CREB1: variants seen among roughly 807,000 people sequenced by gnomAD.
CREB1 encodes the protein cAMP responsive element binding protein 1, also known as cyclic AMP-responsive element-binding protein 1.
CREB1 carries 2 observed loss-of-function variants against 42.0 expected under a neutral mutation model. That is an observed-to-expected ratio of 0.05 (90% CI 0.02 to 0.15). The LOEUF (loss-of-function observed/expected upper bound fraction) is 0.15, where lower values mean the gene tolerates loss of function less well. CREB1 is among the 10% of genes least tolerant of loss of function. The probability of loss-of-function intolerance (pLI) is 1.00; values close to 1 mark genes in which losing one functional copy is unlikely to be tolerated. For missense variants in CREB1, 199 were observed against 388.9 expected, an observed-to-expected ratio of 0.51 and a Z score of 4.11; for synonymous variants, 123 against 139.9, an observed-to-expected ratio of 0.88 and a Z score of 0.85.
chr2:207,567,120 A>G (rs2082168571), intron 3 of CREB1, among the ~76,000 whole-genome samples: 1 of 152,130 alleles, frequency 6.6e-6, no homozygotes, highest in Admixed American at 6.5e-5. Context: ...ATATTTAGCC[A>G]TCCATTTTAT....
intron 7 of CREB1, 101 bp downstream of exon 7, chr2:207,577,756 T>A: frequency 1.4e-6 from 2 of 1,456,420 alleles, no homozygotes; most frequent in Non-Finnish European, 1.9e-6. Flanking sequence ...ATCTTTGCAT[T>A]GAATTTTTTT....
intron 6 of CREB1, among the ~76,000 whole-genome samples, chr2:207,576,000 A>T (rs2551644): frequency 0.21 from 24,616 of 114,998 alleles, 2,355 homozygotes; most frequent in Middle Eastern, 0.34. Context: ...TATTATTATT[A>T]TTTTTTTCTA....
At chr2:207,576,645 T>G in intron 6 of CREB1, 1 of 1,292,966 alleles carries the variant, frequency 7.7e-7, no homozygotes, top group Non-Finnish European at 1.0e-6. Flanking sequence ...TCAAAAATTG[T>G]AAAGCAGGAT....
intron 1 of CREB1, among the ~76,000 whole-genome samples, chr2:207,536,942 A>G (rs2106347265): frequency 6.6e-6 from 1 of 152,186 alleles, no homozygotes; most frequent in South Asian, 2.1e-4. Context: ...GTGAGCCAGT[A>G]TCACCCCACT....
intron 7 of CREB1, chr2:207,581,835 C>A: frequency 2.8e-6 from 2 of 702,784 alleles, no homozygotes; most frequent in Non-Finnish European, 5.2e-6. Context: ...ATTATAGTCT[C>A]CTTCAGTCTG....
chr2:207,555,530 C>T, intron 1 of CREB1, 98 bp from the exon 2 acceptor site: 1 of 574,106 alleles, frequency 1.7e-6, no homozygotes, highest in East Asian at 2.8e-5. Flanking sequence ...GTAACCTAAC[C>T]ACCACATATA....
At chr2:207,557,525 C>T (rs1402236319) in intron 2 of CREB1, among the ~76,000 whole-genome samples, 2 of 151,896 alleles carry the variant, frequency 1.3e-5, no homozygotes, top group East Asian at 3.9e-4. Flanking sequence ...ACTAAAAATA[C>T]AAAAAAATTA....
Position 207,577,490 on chromosome 2 carries a change from C to CA in CREB1, c.689-14dup. 6.2e-7 allele frequency: 1 copy of CA among 1,613,084 alleles called. No individual in the cohort carries two copies. Among genetic ancestry groups the CA allele is most frequent in the Non-Finnish European group, 8.5e-7 (1 of 1,179,300 alleles). ...CAATGTTTCTGTCTTACACCATGCT[C>CA]ACTGTTTTTTTCAGCTGCCTCTGGA... On this transcript the variant is annotated splice_polypyrimidine_tract_variant and intron_variant, in intron 6 of 7. Transcript: ENST00000353267.
At chr2:207,591,641 C>T (rs1049744692) in intron 7 of CREB1, among the ~76,000 whole-genome samples, 11 of 152,174 alleles carry the variant, frequency 7.2e-5, no homozygotes, top group African/African-American at 2.7e-4. Flanking sequence ...CCATGTTGGC[C>T]AGGCTGGTCT....
chr2:207,531,406 C>T (rs758038175), intron 1 of CREB1, among the ~76,000 whole-genome samples: 3 of 152,194 alleles, frequency 2.0e-5, no homozygotes, highest in Non-Finnish European at 4.4e-5. Context: ...TTGAGATTGA[C>T]AATTTAAGCC....
intron 7 of CREB1, among the ~76,000 whole-genome samples, chr2:207,584,192 A>T (rs1403830512): frequency 6.6e-6 from 1 of 152,250 alleles, no homozygotes; most frequent in East Asian, 1.9e-4. Flanking sequence ...GTTGCATGAA[A>T]TGTAACTAAC....
At chr2:207,580,701 G>A (rs1302855161) in intron 7 of CREB1, 9 of 222,110 alleles carry the variant, frequency 4.1e-5, no homozygotes, top group Admixed American at 1.7e-4. Context: ...AGAAAGTGTA[G>A]ACAGCTCTTC....
chr2:207,577,444 A>G, intron 6 of CREB1, 61 bp from the exon 7 acceptor site: 2 of 1,571,394 alleles, frequency 1.3e-6, no homozygotes, highest in Non-Finnish European at 1.7e-6. Flanking sequence ...GATGATTGAT[A>G]CACATAATTG....
At position 207,604,478 on chromosome 2, in the gene CREB1, A is replaced by T. The variant is rs1231740711; in HGVS notation, c.*7420A>T. Among the ~76,000 whole-genome samples, 1 of 59,960 alleles carries T rather than the reference A, an allele frequency of 1.7e-5. No homozygotes were observed. The highest frequency in any genetic ancestry group is 3.2e-5 in the Non-Finnish European group (1 of 30,914). 39.3% of individuals were successfully genotyped at this position (59,960 alleles called of 152,430 possible). ...ATCCTTCTTCTTAACTGTGCGTCCT[A>T]ATTTCTCCACATCTTTCTTAAGTGC... On this transcript the variant is annotated 3_prime_UTR_variant, in exon 8 of 8. Coordinates refer to ENST00000353267, the MANE Select transcript of CREB1 (RefSeq NM_004379.5).
intron 7 of CREB1, among the ~76,000 whole-genome samples, chr2:207,591,324 T>C (rs1192580424): frequency 3.3e-5 from 5 of 152,362 alleles, no homozygotes; most frequent in Admixed American, 2.6e-4. Context: ...TCTTAGAGGA[T>C]AGACCTCTTT....
At chr2:207,546,286 A>C (rs1165532868) in intron 1 of CREB1, among the ~76,000 whole-genome samples, 1 of 152,240 alleles carries the variant, frequency 6.6e-6, no homozygotes, top group Non-Finnish European at 1.5e-5. Flanking sequence ...TTAAAGATGA[A>C]GATGCCCGAA....
At chr2:207,542,488 G>T (rs2081134767) in intron 1 of CREB1, among the ~76,000 whole-genome samples, 1 of 152,014 alleles carries the variant, frequency 6.6e-6, no homozygotes, top group African/African-American at 2.4e-5. Context: ...GAAAATTTCT[G>T]TTCAGATCTT....
rs1316738656 is a variant in CREB1, at chr2:207,601,211, G to A, written c.*4153G>A. On this transcript the variant is annotated 3_prime_UTR_variant, in exon 8 of 8. Coordinates refer to ENST00000353267, the MANE Select transcript of CREB1 (RefSeq NM_004379.5). ...AATAGAAAAGTTGTATATTTATTTG[G>A]ATTATATTTACATTCTGTCCTTTGT... 5.4e-6 allele frequency: 1 copy of A among 185,280 alleles called. No homozygotes were observed. The highest frequency in any genetic ancestry group is 1.1e-5 in the Non-Finnish European group (1 of 87,554). 11.5% of individuals were successfully genotyped at this position (185,280 alleles called of 1,614,324 possible). A position where few individuals can be genotyped will look rare whatever the true frequency, so the allele number is the denominator to read the frequency against.
At chr2:207,564,127 G>A (rs560746234) in intron 3 of CREB1, among the ~76,000 whole-genome samples, 1 of 152,086 alleles carries the variant, frequency 6.6e-6, no homozygotes, top group East Asian at 1.9e-4. Flanking sequence ...AAAAATGTAT[G>A]CCTGTGTAAA....
Sources: gnomAD v4.1 joint callset for allele counts (sites outside exome capture counted in the v4.1 genomes callset) on GRCh38, gnomAD v4.1.1 for gene constraint, MANE v1.5 for transcripts, NCBI Gene and HGNC (gene_info 2026-07-23, HGNC 2026-07-21) for gene names.